Variants in C8orf34 observed in about 807,000 individuals in gnomAD.
C8orf34 encodes the protein uncharacterized protein C8orf34.
In C8orf34, 65 loss-of-function variants were observed where a neutral mutation model predicts 68.3. The ratio of observed to expected loss-of-function variants is 0.95; its 90% confidence interval spans 0.78 to 1.17. The LOEUF (loss-of-function observed/expected upper bound fraction) is 1.17. C8orf34 is among the 50% of genes most tolerant of loss of function. The pLI is 0.00. For synonymous variants in C8orf34, 244 were observed against 241.2 expected (o/e 1.01, Z -0.11); for missense variants, 664 against 655.4 (o/e 1.01, Z -0.14).
chr8:68,603,674 A>G (rs1817772116), intron 7 of C8orf34, among the ~76,000 whole-genome samples: 1 of 152,090 alleles, frequency 6.6e-6, no homozygotes, highest in Non-Finnish European at 1.5e-5. Context: ...GGTTTCATTT[A>G]CATAAATTTC....
chr8:68,356,692 G>T (rs546382454), intron 1 of C8orf34, among the ~76,000 whole-genome samples: 32 of 152,118 alleles, frequency 2.1e-4, no homozygotes, highest in Admixed American at 7.2e-4. Context: ...CTGTTGTTTT[G>T]TTCCTGGAAG....
chr8:68,645,720 C>G (rs1404757809), intron 8 of C8orf34, among the ~76,000 whole-genome samples: 4 of 152,128 alleles, frequency 2.6e-5, no homozygotes, highest in Non-Finnish European at 5.9e-5. Context: ...CAATAAGACT[C>G]AAGTGATGTT....
chr8:68,690,025 A>T (rs1820639500), intron 8 of C8orf34, among the ~76,000 whole-genome samples: 2 of 152,042 alleles, frequency 1.3e-5, no homozygotes, highest in Admixed American at 6.6e-5. Context: ...AATTTGACAC[A>T]TTTTCCAAAT....
intron 7 of C8orf34, among the ~76,000 whole-genome samples, chr8:68,541,985 T>C (rs1815717521): frequency 6.6e-6 from 1 of 152,226 alleles, no homozygotes; most frequent in African/African-American, 2.4e-5. Flanking sequence ...TATATGTATA[T>C]GCATTTGTTT....
At chr8:68,624,099 G>C (rs1460207612) in intron 7 of C8orf34, among the ~76,000 whole-genome samples, 4 of 151,576 alleles carry the variant, frequency 2.6e-5, no homozygotes, top group Admixed American at 2.0e-4. Context: ...GGTGAAACCG[G>C]GTCTCTACTA....
chr8:68,370,465 A>G (rs1463805647), intron 1 of C8orf34, among the ~76,000 whole-genome samples: 1 of 152,186 alleles, frequency 6.6e-6, no homozygotes, highest in Non-Finnish European at 1.5e-5. Flanking sequence ...TTCAGAAGGC[A>G]GCTAGTATGG....
chr8:68,779,451 G>T (rs926330351), intron 11 of C8orf34, among the ~76,000 whole-genome samples: 1 of 152,166 alleles, frequency 6.6e-6, no homozygotes, highest in Non-Finnish European at 1.5e-5. Flanking sequence ...ATACATGGGA[G>T]TGCGAACTTA....
chr8:68,406,246 G>C (rs1030867101), intron 1 of C8orf34, among the ~76,000 whole-genome samples: 1 of 152,100 alleles, frequency 6.6e-6, no homozygotes, highest in Non-Finnish European at 1.5e-5. Context: ...CGTAGTTTTG[G>C]TCTTTCTTAT....
intron 1 of C8orf34, among the ~76,000 whole-genome samples, chr8:68,393,387 A>G (rs948993275): frequency 6.6e-6 from 1 of 152,172 alleles, no homozygotes; most frequent in Non-Finnish European, 1.5e-5. Flanking sequence ...ACATTCCATA[A>G]TTTTGGTAGA....
At chr8:68,525,890 A>G (rs1403738245) in intron 6 of C8orf34, 1 of 288,864 alleles carries the variant, frequency 3.5e-6, no homozygotes, top group Non-Finnish European at 6.7e-6. Context: ...ATCAACCAAG[A>G]CATTCATGTG....
chr8:68,747,781 A>C (rs978893712), intron 10 of C8orf34, among the ~76,000 whole-genome samples: 5 of 151,606 alleles, frequency 3.3e-5, no homozygotes, highest in African/African-American at 1.2e-4. Flanking sequence ...GGGTAGGAAG[A>C]ATCAATATCG....
At chr8:68,792,007 A>C (rs192466383) in intron 12 of C8orf34, 184 of 152,332 alleles carry the variant, frequency 1.2e-3, no homozygotes, top group African/African-American at 4.0e-3. Flanking sequence ...GTATTGTCAG[A>C]AACCCCACAT....
intron 12 of C8orf34, among the ~76,000 whole-genome samples, chr8:68,811,097 C>T (rs945588793): frequency 2.0e-5 from 3 of 152,176 alleles, no homozygotes; most frequent in African/African-American, 2.4e-5. Flanking sequence ...TGCCATAGGG[C>T]GCCTGTAGGC....
At chr8:68,580,585 C>T (rs564995872) in intron 7 of C8orf34, among the ~76,000 whole-genome samples, 129 of 152,098 alleles carry the variant, frequency 8.5e-4, no homozygotes, top group Non-Finnish European at 1.6e-3. Context: ...CAGTAGAGGA[C>T]GGAGGTCATA....
chr8:68,643,130 CT>C (rs1819062569), intron 8 of C8orf34, among the ~76,000 whole-genome samples: 1 of 152,168 alleles, frequency 6.6e-6, no homozygotes, highest in Non-Finnish European at 1.5e-5. Context: ...GCAAAAAAGG[CT>C]GTTAATGTCT....
intron 5 of C8orf34, among the ~76,000 whole-genome samples, chr8:68,500,550 C>A (rs1813722503): frequency 6.6e-6 from 1 of 151,994 alleles, no homozygotes; most frequent in Non-Finnish European, 1.5e-5. Flanking sequence ...TGTTTAGGGA[C>A]AAAGGAGCAT....
intron 5 of C8orf34, among the ~76,000 whole-genome samples, chr8:68,497,025 A>G (rs767709664): frequency 6.6e-6 from 1 of 152,190 alleles, no homozygotes. Flanking sequence ...TTCTCTCAGC[A>G]TGGTTGTGGT....
chr8:68,595,510 T>C (rs1356220454), intron 7 of C8orf34, among the ~76,000 whole-genome samples: 3 of 152,090 alleles, frequency 2.0e-5, no homozygotes, highest in Non-Finnish European at 2.9e-5. Flanking sequence ...TTTTCTTTGC[T>C]CTCAGGATTC....
At position 68,747,062 on chromosome 8, in the gene C8orf34, ATGCAAGGC is replaced by A. The variant is rs1242996717; in HGVS notation, c.1404+25628_1404+25635del. Among the ~76,000 whole-genome samples the A allele has an allele frequency of 2.0e-4, 30 of 151,188 alleles. 1 individual carries two copies. Among genetic ancestry groups the A allele is most frequent in the Admixed American group, 2.0e-3 (30 of 15,182 alleles). The stretch of plus-strand genomic sequence containing the variant: ...TGATCAAGTGGGCTTCATCCCTGGG[ATGCAAGGC>A]TGGTTCAATATACACAAATCAATAA... On this transcript the variant is annotated intron_variant, in intron 10 of 13. Transcript: ENST00000518698.
Sources: gnomAD v4.1 joint callset for allele counts (sites outside exome capture counted in the v4.1 genomes callset) on GRCh38, gnomAD v4.1.1 for gene constraint, MANE v1.5 for transcripts, NCBI Gene and HGNC (gene_info 2026-07-23, HGNC 2026-07-21) for gene names.